OSBPL8: variants seen among roughly 807,000 people sequenced by gnomAD.
OSBPL8 encodes the protein oxysterol-binding protein-related protein 8.
In OSBPL8, 59 loss-of-function variants were observed where a neutral mutation model predicts 125.5. The observed-to-expected ratio is 0.47, with a 90% CI of 0.38 to 0.58. OSBPL8 has a LOEUF of 0.58. Ranked by LOEUF, OSBPL8 falls within the 20% of genes least tolerant of loss-of-function variation. The pLI is 0.00. For missense variants in OSBPL8, 758 were observed against 1,047.8 expected (o/e 0.72, Z 3.82); for synonymous variants, 330 against 338.9 (o/e 0.97, Z 0.29).
intron 15 of OSBPL8, among the ~76,000 whole-genome samples, chr12:76,380,544 A>AAAAC (rs1856647251): frequency 6.6e-6 from 1 of 151,334 alleles, no homozygotes. Flanking sequence ...AAAAAAAAAA[A>AAAAC]AAACCCTCTG....
chr12:76,512,246 T>C (rs1266807332), intron 1 of OSBPL8, among the ~76,000 whole-genome samples: 1 of 152,218 alleles, frequency 6.6e-6, no homozygotes, highest in African/African-American at 2.4e-5. Flanking sequence ...GTTCCTGAGT[T>C]AGTTTGCTAA....
intron 21 of OSBPL8, among the ~76,000 whole-genome samples, chr12:76,364,141 C>T (rs938116354): frequency 1.3e-5 from 2 of 152,120 alleles, no homozygotes; most frequent in South Asian, 4.1e-4. Context: ...CCCAGTGATC[C>T]CATTACTGGG....
At chr12:76,553,422 G>A (rs1046164046) in intron 1 of OSBPL8, among the ~76,000 whole-genome samples, 2 of 151,866 alleles carry the variant, frequency 1.3e-5, no homozygotes, top group Non-Finnish European at 1.5e-5. Flanking sequence ...CCAGCACTTT[G>A]GGAGACCAAG....
intron 8 of OSBPL8, among the ~76,000 whole-genome samples, chr12:76,396,081 A>AT (rs1953786445): frequency 6.6e-6 from 1 of 151,168 alleles, no homozygotes; most frequent in African/African-American, 2.4e-5. Flanking sequence ...TTATATATAT[A>AT]TTTTTTGTTG....
intron 1 of OSBPL8, among the ~76,000 whole-genome samples, chr12:76,492,685 C>T (rs1276480737): frequency 6.6e-6 from 1 of 152,164 alleles, no homozygotes; most frequent in Non-Finnish European, 1.5e-5. Flanking sequence ...GAATCTAATG[C>T]CTGATGGTCT....
At chr12:76,365,889 A>T (rs961541633) in intron 21 of OSBPL8, among the ~76,000 whole-genome samples, 2 of 152,156 alleles carry the variant, frequency 1.3e-5, no homozygotes, top group African/African-American at 2.4e-5. Flanking sequence ...GTGATATATT[A>T]CATTGATTTT....
At chr12:76,462,970 T>C (rs569417185) in intron 2 of OSBPL8, among the ~76,000 whole-genome samples, 32 of 152,314 alleles carry the variant, frequency 2.1e-4, no homozygotes, top group Admixed American at 3.9e-4. Context: ...TCAGGTTGTA[T>C]AGGACTTTGT....
intron 1 of OSBPL8, among the ~76,000 whole-genome samples, chr12:76,557,611 TAAAAAA>T (rs35658174): frequency 7.3e-6 from 1 of 136,388 alleles, no homozygotes; most frequent in Non-Finnish European, 1.6e-5. Context: ...GAGACAGTCT[TAAAAAA>T]AAAAAAAAAA....
intron 4 of OSBPL8, among the ~76,000 whole-genome samples, chr12:76,427,548 AACT>A (rs1016500755): frequency 5.3e-5 from 8 of 151,992 alleles, no homozygotes; most frequent in Non-Finnish European, 1.2e-4. Flanking sequence ...ATTAAAAAAA[AACT>A]ACTAAAAATT....
intron 1 of OSBPL8, among the ~76,000 whole-genome samples, chr12:76,519,695 G>A (rs1470867919): frequency 1.3e-5 from 2 of 152,130 alleles, no homozygotes; most frequent in Non-Finnish European, 2.9e-5. Flanking sequence ...CTTTTGGTGA[G>A]GGCCTCAGGA....
At chr12:76,522,290 C>A (rs536781797) in intron 1 of OSBPL8, among the ~76,000 whole-genome samples, 2 of 151,130 alleles carry the variant, frequency 1.3e-5, no homozygotes, top group South Asian at 4.2e-4. Context: ...AAAAAAAGTT[C>A]TTCAATAAAA....
At chr12:76,515,196 C>T (rs1171805805) in intron 1 of OSBPL8, among the ~76,000 whole-genome samples, 1 of 152,188 alleles carries the variant, frequency 6.6e-6, no homozygotes, top group Non-Finnish European at 1.5e-5. Context: ...AGAAGTGGTA[C>T]AGTCACTCGC....
chr12:76,364,807 C>G (rs1952352801), intron 21 of OSBPL8, among the ~76,000 whole-genome samples: 1 of 152,058 alleles, frequency 6.6e-6, no homozygotes, highest in African/African-American at 2.4e-5. Context: ...AAGTGAGAGT[C>G]CTCTTTATAC....
At chr12:76,515,462 C>G (rs1206500658) in intron 1 of OSBPL8, among the ~76,000 whole-genome samples, 1 of 152,178 alleles carries the variant, frequency 6.6e-6, no homozygotes, top group African/African-American at 2.4e-5. Context: ...TGCGATCCAG[C>G]AGGTGGCACT....
At chr12:76,380,528 C>CCAA (rs377289312) in intron 15 of OSBPL8, among the ~76,000 whole-genome samples, 5 of 89,274 alleles carry the variant, frequency 5.6e-5, no homozygotes, top group African/African-American at 2.1e-4. Context: ...GACACTGTCC[C>CCAA]AAAAAAAAAA....
chr12:76,447,710 A>T (rs920202850), intron 4 of OSBPL8, among the ~76,000 whole-genome samples: 5 of 151,992 alleles, frequency 3.3e-5, no homozygotes, highest in African/African-American at 1.2e-4. Flanking sequence ...AGCCTGGCTA[A>T]TTTTTTTGTA....
intron 1 of OSBPL8, among the ~76,000 whole-genome samples, chr12:76,530,220 CTTTTTTTTTT>C (rs59016280): frequency 9.3e-6 from 1 of 107,224 alleles, no homozygotes; most frequent in Non-Finnish European, 1.8e-5. Context: ...CCGGGCCTGG[CTTTTTTTTTT>C]TTTTTTTTTT....
chr12:76,371,260 A>G, intron 19 of OSBPL8, 188 bp downstream of exon 19: 1 of 535,924 alleles, frequency 1.9e-6, no homozygotes, highest in Non-Finnish European at 2.8e-6. Context: ...GAGCTACAGA[A>G]AAGCAAGACG....
Position 76,367,229 on chromosome 12 carries a change from G to GGTGT in OSBPL8, c.2328+1981_2328+1984dup, listed in dbSNP as rs71311108. On this transcript the variant is annotated intron_variant, in intron 21 of 23. Transcript: ENST00000261183. ...TGTATATTTTGGGGCTTTGTTGATT[G>GGTGT]GTGTGTGTGTGTGTGTGTGTGTGTG... Among the ~76,000 whole-genome samples the GGTGT allele has an allele frequency of 7.7e-3, 1,139 of 147,042 alleles. 12 individuals are homozygous for GGTGT. The highest frequency in any genetic ancestry group is 0.021 in the African/African-American group (848 of 39,976).
Sources: gnomAD v4.1 joint callset for allele counts (sites outside exome capture counted in the v4.1 genomes callset) on GRCh38, gnomAD v4.1.1 for gene constraint, MANE v1.5 for transcripts, NCBI Gene and HGNC (gene_info 2026-07-23, HGNC 2026-07-21) for gene names.